Variants in GALNT15 observed in about 807,000 individuals in gnomAD.
The protein encoded by GALNT15 is polypeptide N-acetylgalactosaminyltransferase 15, also known as UDP-GalNAc transferase T15.
Under a neutral mutation model 66.8 loss-of-function variants are expected in GALNT15, and 67 were observed. That is an observed-to-expected ratio of 1.00 (90% confidence interval 0.82 to 1.23). The LOEUF (loss-of-function observed/expected upper bound fraction) is 1.23, where lower values mean the gene tolerates loss of function less well. Ranked by LOEUF, GALNT15 falls within the 50% of genes most tolerant of loss-of-function variation. The probability of loss-of-function intolerance (pLI) is 0.00; values close to 1 mark genes in which losing one functional copy is unlikely to be tolerated. For synonymous variants in GALNT15, 313 were observed against 311.5 expected, an observed-to-expected ratio of 1.00 and a Z score of -0.05; for missense variants, 827 against 804.3, an observed-to-expected ratio of 1.03 and a Z score of -0.34.
intron 8 of GALNT15, among the ~76,000 whole-genome samples, chr3:16,221,322 A>G (rs2063940271): frequency 6.7e-6 from 1 of 149,454 alleles, no homozygotes; most frequent in African/African-American, 2.5e-5. Flanking sequence ...AGAAAAGTTG[A>G]AAGCCTTTCC....
chr3:16,188,759 A>G lies in GALNT15; in HGVS notation c.540-7001A>G, dbSNP rs2063544371. On this transcript the variant is annotated intron_variant, in intron 1 of 9. Transcript: ENST00000339732. This position sits in a 1 kb window ranked among gnomAD's most constrained non-coding sequence, Gnocchi z 4.6. ...CTGGTCTACCCACCCCTCATTCCTT[A>G]GTGCCTGAAGCTCTGTAAGGTTGGG... Among the ~76,000 whole-genome samples the G allele has an allele frequency of 6.6e-6, 1 of 152,062 alleles. No individual in the cohort carries two copies. The highest frequency in any genetic ancestry group is 1.5e-5 in the Non-Finnish European group (1 of 68,012).
rs1254610725 is a variant in GALNT15 at position 16,230,072 on chromosome 3, T to C, written c.*2572T>C. On this transcript the variant is annotated 3_prime_UTR_variant, in exon 10 of 10. Transcript: ENST00000339732. The surrounding 1 kb of genome is among the most constrained non-coding windows in gnomAD (Gnocchi z 4.5). ...AGAGAAACTTGTCAGTTGAGAGATC[T>C]GATTCCCAAGAGATTGGTTTCACTT... is the stretch of plus-strand genomic sequence containing the variant. Among the ~76,000 whole-genome samples the C allele has an allele frequency of 2.0e-5, 3 of 152,220 alleles. No homozygotes were observed. The highest frequency in any genetic ancestry group is 4.4e-5 in the Non-Finnish European group (3 of 68,032).
At position 16,211,639 on chromosome 3, in the gene GALNT15, C is replaced by A. The variant is rs9862250; in HGVS notation, c.1197+398C>A. 2.6e-5 allele frequency among the ~76,000 whole-genome samples: 4 copies of A among 152,204 alleles called. No homozygotes were observed. Among genetic ancestry groups the A allele is most frequent in the Non-Finnish European group, 5.9e-5 (4 of 68,036 alleles). ...GTAGTTTGGTCCAAACAATGTAATA[C>A]TTGTCATAAAAACTTAGCACCTGTT... On this transcript the variant is annotated intron_variant, in intron 5 of 9. Coordinates refer to ENST00000339732, the MANE Select transcript of GALNT15 (RefSeq NM_054110.5). This position sits in a 1 kb window ranked among gnomAD's most constrained non-coding sequence, Gnocchi z 4.3.
rs760185712 is a variant in GALNT15, at chr3:16,175,480, A to G, written c.329A>G (p.Gln110Arg). The G allele has an allele frequency of 1.2e-6, 2 of 1,613,966 alleles. No homozygotes were observed. The highest frequency in any genetic ancestry group is 1.1e-5 in the South Asian group (1 of 91,076). Residue 110 changes from glutamine (Q) to arginine (R), a missense_variant, in exon 1 of 10, where the codon CAG becomes CGG. By Grantham distance (43) the Gln-to-Arg change is conservative. Coordinates refer to ENST00000339732, the MANE Select transcript of GALNT15 (RefSeq NM_054110.5). The surrounding 1 kb of genome is among the most constrained non-coding windows in gnomAD (Gnocchi z 5.6). The stretch of plus-strand genomic sequence containing the variant: ...CCCCAGGCCAGAAGGAACCAGAGCC[A>G]GGGCAGGAGAGGTGGGAGCTACCGC... The part of the protein sequence containing the change: ...ALPQARRNQS[Q>R]GRRGGSYRLI...
In GALNT15 at chr3:16,209,516, T is replaced by A. The variant is rs1056716369; in HGVS notation, c.1079+846T>A. ...AAGCTCTAAAAACCAAACATTTGTT[T>A]AATAATTCATTAGGCAGCAGGCCAG... is the stretch of plus-strand genomic sequence containing the variant. On this transcript the variant is annotated intron_variant, in intron 4 of 9. Transcript: ENST00000339732. The surrounding 1 kb of genome is among the most constrained non-coding windows in gnomAD (Gnocchi z 4.1). 2.6e-5 allele frequency among the ~76,000 whole-genome samples: 4 copies of A among 152,196 alleles called. No homozygotes were observed. Among genetic ancestry groups the A allele is most frequent in the African/African-American group, 9.7e-5 (4 of 41,446 alleles).
the GALNT15 span, among the ~76,000 whole-genome samples, chr3:16,240,885 C>G: frequency 3.3e-5 from 5 of 152,356 alleles, no homozygotes; most frequent in East Asian, 9.6e-4. Flanking sequence ...ACCCTCTGGA[C>G]TCACCTGCTA....
chr3:16,179,001 G>T (rs1396306128), intron 1 of GALNT15, among the ~76,000 whole-genome samples: 2 of 152,178 alleles, frequency 1.3e-5, no homozygotes, highest in African/African-American at 4.8e-5. Flanking sequence ...CAGGCCACAG[G>T]CCTTTTTCTG....
chr3:16,194,550 A>G (rs2063612133), intron 1 of GALNT15, among the ~76,000 whole-genome samples: 1 of 152,222 alleles, frequency 6.6e-6, no homozygotes, highest in Non-Finnish European at 1.5e-5. Context: ...TTGCAGCACT[A>G]TTCATAGTAG....
intron 2 of GALNT15, among the ~76,000 whole-genome samples, chr3:16,196,558 C>A (rs1191375715): frequency 1.3e-5 from 2 of 152,296 alleles, no homozygotes; most frequent in Non-Finnish European, 2.9e-5. Flanking sequence ...GAGAAGCCCC[C>A]ACTTGACTCG....
chr3:16,223,944 C>T (rs1313473375), intron 9 of GALNT15, among the ~76,000 whole-genome samples: 2 of 152,120 alleles, frequency 1.3e-5, no homozygotes, highest in African/African-American at 2.4e-5. Context: ...TCCACCCACT[C>T]GGCCTCACAA....
chr3:16,242,447 C>T, the GALNT15 span, among the ~76,000 whole-genome samples: 18 of 152,040 alleles, frequency 1.2e-4, no homozygotes, highest in African/African-American at 3.6e-4. The surrounding 1 kb of genome is among the most constrained non-coding windows in gnomAD (Gnocchi z 5.6). Context: ...ACAATTTTGG[C>T]CAATATTATG....
At chr3:16,236,049 G>T (rs2064123386), downstream of GALNT15, among the ~76,000 whole-genome samples, 1 of 122,510 alleles carries the variant, frequency 8.2e-6, no homozygotes, top group African/African-American at 3.0e-5. Flanking sequence ...AGGTTGGAGT[G>T]AGCCGAGATC....
At chr3:16,213,121 A>C (rs2063834860) in intron 6 of GALNT15, among the ~76,000 whole-genome samples, 2 of 152,152 alleles carry the variant, frequency 1.3e-5, no homozygotes, top group Admixed American at 1.3e-4. Context: ...GCTCAGGGCT[A>C]TGAAATGATC....
chr3:16,193,162 T>C lies in GALNT15; in HGVS notation c.540-2598T>C, dbSNP rs2063597376. ...AAAATTACTAGAAAGAGTGTTGCTT[T>C]CCCCAAAAACCTTGCATGTAACTTC... On this transcript the variant is annotated intron_variant, in intron 1 of 9. Coordinates refer to ENST00000339732, the MANE Select transcript of GALNT15 (RefSeq NM_054110.5). The surrounding 1 kb of genome is among the most constrained non-coding windows in gnomAD (Gnocchi z 4.7). Among the ~76,000 whole-genome samples, 1 of 152,134 alleles carries C rather than the reference T, an allele frequency of 6.6e-6. No individual in the cohort carries two copies. The highest frequency in any genetic ancestry group is 2.1e-4 in the South Asian group (1 of 4,832).
chr3:16,247,222 T>C, the GALNT15 span, among the ~76,000 whole-genome samples: 1 of 152,128 alleles, frequency 6.6e-6, no homozygotes, highest in Non-Finnish European at 1.5e-5. Context: ...TAAGTGTGTA[T>C]TGAATGGATG....
chr3:16,216,503 A>G (rs2063880191), intron 6 of GALNT15, among the ~76,000 whole-genome samples: 1 of 151,086 alleles, frequency 6.6e-6, no homozygotes, highest in Non-Finnish European at 1.5e-5. Flanking sequence ...TGTCTCGGGA[A>G]AAAAAAAAAA....
chr3:16,199,411 A>G (rs562764422), intron 2 of GALNT15, among the ~76,000 whole-genome samples: 2 of 141,784 alleles, frequency 1.4e-5, no homozygotes, highest in African/African-American at 5.3e-5. Context: ...ACTGTGTTGC[A>G]GACTCCCCTA....
chr3:16,219,959 A>G lies in GALNT15; in HGVS notation c.1574A>G (p.Asp525Gly). ...TGTGCAGACTGCCAGGCAGAAGGGG[A>G]CATCCTGGGCTGTCCCATGGTGTTG... The part of the protein sequence containing the change: ...GLCADCQAEG[D>G]ILGCPMVLAP... Residue 525 changes from aspartate (D) to glycine (G), a missense_variant, in exon 8 of 10, where the codon GAC (aspartate) becomes GGC (glycine). By Grantham distance (94) the Asp-to-Gly change is moderately conservative. Transcript: ENST00000339732. This position sits in a 1 kb window ranked among gnomAD's most constrained non-coding sequence, Gnocchi z 4.3. The G allele has an allele frequency of 6.2e-7, 1 of 1,614,198 alleles. No homozygotes were observed. The highest frequency in any genetic ancestry group is 8.5e-7 in the Non-Finnish European group (1 of 1,180,026).
At chr3:16,192,285 G>A (rs1453722792) in intron 1 of GALNT15, among the ~76,000 whole-genome samples, 1 of 152,120 alleles carries the variant, frequency 6.6e-6, no homozygotes, top group Non-Finnish European at 1.5e-5. Flanking sequence ...ACAGAGAAAG[G>A]AGCCAGGCAT....
Sources: allele counts gnomAD v4.1 joint callset (sites outside exome capture counted in the v4.1 genomes callset), GRCh38; gene constraint gnomAD v4.1.1; non-coding constraint Gnocchi (gnomAD v3.1); transcripts MANE v1.5; gene names NCBI Gene and HGNC (gene_info 2026-07-23, HGNC 2026-07-21).